CEBPZOS: variants seen among roughly 807,000 people sequenced by gnomAD.
CEBPZOS encodes the protein protein CEBPZOS.
Under a neutral mutation model 4.8 loss-of-function variants are expected in CEBPZOS, and 10 were observed. That is an observed-to-expected ratio of 2.07 (90% CI 1.28 to 3.52). CEBPZOS has a LOEUF of 3.52. CEBPZOS is among the 30% of genes most tolerant of loss of function. The probability of loss-of-function intolerance (pLI) is 0.00; values close to 1 mark genes in which losing one functional copy is unlikely to be tolerated. For synonymous variants in CEBPZOS, 25 were observed against 14.2 expected (o/e 1.77, Z -1.72); for missense variants, 98 against 43.6 (o/e 2.25, Z -3.51).
intron 4 of CEBPZOS, 60 bp downstream of exon 4, chr2:37,201,786 T>C (rs1572484805): frequency 7.3e-7 from 1 of 1,365,118 alleles, no homozygotes; most frequent in Admixed American, 1.8e-5. Flanking sequence ...TTTTTTAGTT[T>C]TTTGAGTGGT....
chr2:37,197,899 G>T (rs1204040168), intron 1 of CEBPZOS, among the ~76,000 whole-genome samples: 1 of 151,844 alleles, frequency 6.6e-6, no homozygotes, highest in East Asian at 1.9e-4. Context: ...GGTGGCCCAC[G>T]CCTGTAATCC....
chr2:37,216,181 G>A, downstream of CEBPZOS: 4 of 1,612,790 alleles, frequency 2.5e-6, no homozygotes, highest in East Asian at 2.2e-5. Flanking sequence ...TTTTCTTTTC[G>A]GCTGCATCAC....
intron 4 of CEBPZOS, chr2:37,211,074 C>T: frequency 6.2e-7 from 1 of 1,604,582 alleles, no homozygotes; most frequent in Non-Finnish European, 8.5e-7. Context: ...TTGGAGTGGA[C>T]TTCAAGTTCT....
intron 4 of CEBPZOS, chr2:37,211,744 G>T: frequency 1.2e-6 from 1 of 823,270 alleles, no homozygotes; most frequent in Non-Finnish European, 1.8e-6. Context: ...GTATTAATTT[G>T]AATACAGGGC....
downstream of CEBPZOS, among the ~76,000 whole-genome samples, chr2:37,206,615 C>T (rs761954657): frequency 2.3e-4 from 35 of 152,144 alleles, no homozygotes; most frequent in Non-Finnish European, 4.1e-4. Context: ...CTGGGCCTCC[C>T]GAAGTGCTGG....
chr2:37,214,367 T>C (rs1677817024), downstream of CEBPZOS, among the ~76,000 whole-genome samples: 1 of 152,098 alleles, frequency 6.6e-6, no homozygotes, highest in African/African-American at 2.4e-5. Context: ...ATGATACTAG[T>C]TGGTTTAGGA....
At chr2:37,209,036 A>T (rs1262839310), downstream of CEBPZOS, 1 of 106,900 alleles carries the variant, frequency 9.4e-6, no homozygotes, top group Non-Finnish European at 1.8e-5. Flanking sequence ...TACCCCCCTT[A>T]CAACACCTGC....
chr2:37,198,023 G>A (rs1677034298), intron 1 of CEBPZOS, among the ~76,000 whole-genome samples: 1 of 152,008 alleles, frequency 6.6e-6, no homozygotes, highest in South Asian at 2.1e-4. Flanking sequence ...TGCTGGGCCT[G>A]GTGGCGGGAG....
chr2:37,200,664 A>G (rs1677177372), intron 2 of CEBPZOS, among the ~76,000 whole-genome samples: 1 of 150,904 alleles, frequency 6.6e-6, no homozygotes, highest in South Asian at 2.1e-4. Flanking sequence ...ATCTTAAGAA[A>G]AAAAAAAAAA....
intron 4 of CEBPZOS, chr2:37,211,917 T>A (rs1364817196): frequency 6.2e-6 from 10 of 1,613,404 alleles, no homozygotes; most frequent in Non-Finnish European, 8.5e-6. Context: ...AGCAAATTCT[T>A]CATCATCCAT....
chr2:37,201,657 C>T lies in CEBPZOS; in HGVS notation c.176C>T (p.Thr59Ile), dbSNP rs1273335645. ...TTATTTATAGTTTATTACAAATCCA[C>T]TGAGAAGTCTGGAATGTATGGAATC... ...PFILEVYYKS[T>I]EKSGMYGIRE... Residue 59 changes from threonine (T) to isoleucine (I), a missense_variant, in exon 4 of 5, where the codon ACT becomes ATT. Coordinates refer to ENST00000402297, the MANE Select transcript of CEBPZOS (RefSeq NM_001322374.2). 2.6e-6 allele frequency: 2 copies of T among 760,042 alleles called. No homozygotes were observed. The highest frequency in any genetic ancestry group is 1.5e-5 in the South Asian group (1 of 65,976). The allele number at this position is 760,042 out of a possible 1,614,324, so 47.1% of individuals were successfully genotyped here. A position where few individuals can be genotyped will look rare whatever the true frequency, so the allele number is the denominator to read the frequency against.
chr2:37,206,437 G>A (rs761574065), downstream of CEBPZOS, among the ~76,000 whole-genome samples: 1 of 152,150 alleles, frequency 6.6e-6, no homozygotes, highest in Non-Finnish European at 1.5e-5. Flanking sequence ...GGCTCACTGC[G>A]ACCTCTGCCT....
intron 4 of CEBPZOS, chr2:37,211,877 C>T (rs991116251): frequency 3.7e-6 from 6 of 1,609,492 alleles, no homozygotes; most frequent in Non-Finnish European, 5.1e-6. Context: ...CTAACACATC[C>T]ATGAATGTTC....
chr2:37,199,676 G>T (rs765035195), intron 1 of CEBPZOS, 28 bp from the exon 2 acceptor site: 8 of 712,734 alleles, frequency 1.1e-5, no homozygotes, highest in South Asian at 1.0e-4. Context: ...GTTCATTCAG[G>T]TTTACACATA....
intron 4 of CEBPZOS, among the ~76,000 whole-genome samples, chr2:37,212,895 C>T (rs368564402): frequency 6.7e-6 from 1 of 149,904 alleles, no homozygotes; most frequent in East Asian, 2.0e-4. Context: ...AAAAACGAGC[C>T]GGACATCATG....
At chr2:37,216,020 T>C (rs1370314035), downstream of CEBPZOS, 1 of 685,312 alleles carries the variant, frequency 1.5e-6, no homozygotes, top group Non-Finnish European at 2.3e-6. Context: ...GGAAAAAAGA[T>C]GGATAATGTC....
At position 37,202,156 on chromosome 2, in the gene CEBPZOS, A is replaced by G. The variant is rs1677279101; in HGVS notation, c.*296A>G. 1 of 291,504 alleles carries G rather than the reference A, an allele frequency of 3.4e-6. No individual in the cohort carries two copies. Among genetic ancestry groups the G allele is most frequent in the African/African-American group, 2.2e-5 (1 of 46,172 alleles). 18.1% of individuals were successfully genotyped at this position (291,504 alleles called of 1,614,324 possible). A position where few individuals can be genotyped will look rare whatever the true frequency, so the allele number is the denominator to read the frequency against. On this transcript the variant is annotated 3_prime_UTR_variant, in exon 5 of 5. Transcript: ENST00000402297. ...AGATTTTCTCTCCCCAAGCACTTTT[A>G]CTGGTGAAATAAAAACCAGTAACAA...
intron 2 of CEBPZOS, among the ~76,000 whole-genome samples, chr2:37,200,368 T>C (rs1013728514): frequency 6.6e-6 from 1 of 152,202 alleles, no homozygotes; most frequent in African/African-American, 2.4e-5. Flanking sequence ...AGACCTGGCA[T>C]GATAGCCATC....
downstream of CEBPZOS, chr2:37,215,067 G>C (rs1372329598): frequency 6.9e-6 from 5 of 720,866 alleles, no homozygotes; most frequent in East Asian, 1.4e-4. Flanking sequence ...AGAATTGTGT[G>C]GGAAGGTAGA....
Sources: allele counts gnomAD v4.1 joint callset (sites outside exome capture counted in the v4.1 genomes callset), GRCh38; gene constraint gnomAD v4.1.1; transcripts MANE v1.5; gene names NCBI Gene and HGNC (gene_info 2026-07-23, HGNC 2026-07-21).